The following DLGAP1 variants were observed in gnomAD, a reference collection of about 807,000 sequenced individuals.
DLGAP1 encodes the protein DLG associated protein 1, also known as disks large-associated protein 1.
In DLGAP1, 11 loss-of-function variants were observed where a neutral mutation model predicts 90.8. The ratio of observed to expected loss-of-function variants is 0.12; its 90% CI spans 0.08 to 0.20. DLGAP1 has a LOEUF of 0.20. Ranked by LOEUF, DLGAP1 falls within the 10% of genes least tolerant of loss-of-function variation. The pLI, the probability that DLGAP1 is intolerant of heterozygous loss-of-function variation, is 1.00. For synonymous variants in DLGAP1, 558 were observed against 540.7 expected (o/e 1.03, Z -0.44); for missense variants, 1,050 against 1,333.8 (o/e 0.79, Z 3.31).
intron 3 of DLGAP1, among the ~76,000 whole-genome samples, chr18:3,927,479 T>C (rs2072418303): frequency 6.6e-6 from 1 of 152,222 alleles, no homozygotes; most frequent in African/African-American, 2.4e-5. Flanking sequence ...ATATGGCTGT[T>C]GTGTCAATAT....
rs371607215 is a variant in DLGAP1 at position 3,641,429 on chromosome 18, C to T, written c.1592-59181G>A. On this transcript the variant is annotated intron_variant, in intron 7 of 12. Transcript: ENST00000315677. The stretch of plus-strand genomic sequence containing the variant: ...GCGGGCACCTGTAATCCCAGCTACT[C>T]GGGAGGCTGAGGCAGGAGAATCGCT... Among the ~76,000 whole-genome samples the T allele has an allele frequency of 7.8e-3, 1,148 of 147,986 alleles. 10 individuals are homozygous for T. The highest frequency in any genetic ancestry group is 0.027 in the African/African-American group (1,060 of 39,836).
chr18:4,231,505 C>T (rs1262278381), intron 1 of DLGAP1, among the ~76,000 whole-genome samples: 1 of 152,128 alleles, frequency 6.6e-6, no homozygotes, highest in African/African-American at 2.4e-5. Context: ...ACTGCTTTGG[C>T]AAAATTACTG....
chr18:4,362,370 G>T (rs2081648375), intron 1 of DLGAP1, among the ~76,000 whole-genome samples: 1 of 152,096 alleles, frequency 6.6e-6, no homozygotes, highest in African/African-American at 2.4e-5. Context: ...AACAAACTGT[G>T]GGATAGACAT....
chr18:4,290,849 G>C (rs190700539), intron 1 of DLGAP1, among the ~76,000 whole-genome samples: 1 of 152,212 alleles, frequency 6.6e-6, no homozygotes, highest in African/African-American at 2.4e-5. Context: ...TCTTTTTCAC[G>C]CTTTCAATCT....
chr18:3,632,194 T>A (rs1047123540), intron 7 of DLGAP1, among the ~76,000 whole-genome samples: 6 of 152,266 alleles, frequency 3.9e-5, no homozygotes, highest in African/African-American at 1.4e-4. Context: ...AGGGATCATT[T>A]TTCTTCTACA....
intron 4 of DLGAP1, among the ~76,000 whole-genome samples, chr18:3,825,431 T>C (rs1168487701): frequency 6.6e-6 from 1 of 152,248 alleles, no homozygotes; most frequent in East Asian, 1.9e-4. Flanking sequence ...ATATAACCTA[T>C]GCATTATCTT....
chr18:3,632,696 GAGA>G (rs1373616312), intron 7 of DLGAP1, among the ~76,000 whole-genome samples: 1 of 152,138 alleles, frequency 6.6e-6, no homozygotes, highest in Admixed American at 6.5e-5. Context: ...TTTTGACAGT[GAGA>G]AGATTACTTT....
intron 1 of DLGAP1, among the ~76,000 whole-genome samples, chr18:4,418,930 T>C (rs73370832): frequency 0.05 from 7,640 of 151,812 alleles, 608 homozygotes; most frequent in African/African-American, 0.17. Context: ...CCCAGGTATA[T>C]CATATTCAAA....
At chr18:4,201,983 C>G (rs1412078222) in intron 1 of DLGAP1, among the ~76,000 whole-genome samples, 2 of 152,146 alleles carry the variant, frequency 1.3e-5, no homozygotes, top group East Asian at 3.9e-4. Context: ...AGTATCTACT[C>G]AAAGGAAAAT....
chr18:4,230,830 C>T (rs1332298829), intron 1 of DLGAP1, among the ~76,000 whole-genome samples: 1 of 150,876 alleles, frequency 6.6e-6, no homozygotes, highest in Non-Finnish European at 1.5e-5. Flanking sequence ...CCCCACTTAC[C>T]CTGATGTGAT....
At chr18:3,600,943 G>GATATAGAT (rs2056956452) in intron 7 of DLGAP1, among the ~76,000 whole-genome samples, 6 of 70,418 alleles carry the variant, frequency 8.5e-5, no homozygotes, top group South Asian at 4.1e-4. Flanking sequence ...TATATAGATA[G>GATATAGAT]ATATATAGAT....
At chr18:3,587,580 C>T (rs182832935) in intron 7 of DLGAP1, among the ~76,000 whole-genome samples, 22 of 152,306 alleles carry the variant, frequency 1.4e-4, no homozygotes, top group Admixed American at 5.9e-4. Flanking sequence ...TTGGCCACCC[C>T]AGCCAGCAGC....
chr18:4,346,471 A>C (rs1342550352), intron 1 of DLGAP1, among the ~76,000 whole-genome samples: 1 of 152,228 alleles, frequency 6.6e-6, no homozygotes, highest in Non-Finnish European at 1.5e-5. Flanking sequence ...CCATTTATGG[A>C]GTACACAATA....
At chr18:4,402,222 G>A (rs189544636) in intron 1 of DLGAP1, among the ~76,000 whole-genome samples, 1 of 152,292 alleles carries the variant, frequency 6.6e-6, no homozygotes, top group East Asian at 1.9e-4. Context: ...ATCTAGCTAT[G>A]ATAATATTAA....
chr18:4,080,944 A>G (rs1029885202), intron 2 of DLGAP1, among the ~76,000 whole-genome samples: 1 of 150,004 alleles, frequency 6.7e-6, no homozygotes, highest in Admixed American at 6.7e-5. Context: ...GCTGGAGTGC[A>G]ATGGCGCAAT....
chr18:3,559,494 A>G (rs2053948367), intron 9 of DLGAP1, among the ~76,000 whole-genome samples: 1 of 151,460 alleles, frequency 6.6e-6, no homozygotes, highest in Non-Finnish European at 1.5e-5. Context: ...ATAGTTTTCT[A>G]TTGAGCATTT....
intron 3 of DLGAP1, among the ~76,000 whole-genome samples, chr18:3,979,861 C>T (rs766503211): frequency 6.6e-5 from 10 of 152,256 alleles, no homozygotes; most frequent in East Asian, 5.8e-4. Flanking sequence ...TATAGCTGGG[C>T]GCGGTGGCTC....
At chr18:4,033,321 G>A (rs908904417) in intron 2 of DLGAP1, among the ~76,000 whole-genome samples, 4 of 151,268 alleles carry the variant, frequency 2.6e-5, no homozygotes, top group Admixed American at 2.6e-4. Context: ...TTGTCTTCAA[G>A]GTCCTTCTAT....
chr18:4,212,189 A>T (rs1055315051), intron 1 of DLGAP1, among the ~76,000 whole-genome samples: 3 of 152,132 alleles, frequency 2.0e-5, no homozygotes, highest in African/African-American at 7.2e-5. Flanking sequence ...CATAGCACTG[A>T]CAGGCAGGGC....
Sources: gnomAD v4.1 joint callset for allele counts (sites outside exome capture counted in the v4.1 genomes callset) on GRCh38, gnomAD v4.1.1 for gene constraint, MANE v1.5 for transcripts, NCBI Gene and HGNC (gene_info 2026-07-23, HGNC 2026-07-21) for gene names.